ESRRG: variants seen among roughly 807,000 people sequenced by gnomAD.
ESRRG encodes the protein estrogen related receptor gamma.
A neutral mutation model predicts 44.0 loss-of-function variants in ESRRG; 13 were observed. That is an observed-to-expected ratio of 0.30 (90% confidence interval 0.19 to 0.47). ESRRG has a LOEUF of 0.47. Among genes scored for constraint, ESRRG ranks in the 20% least tolerant of loss-of-function variants. The pLI is 1.00. For missense variants in ESRRG, 395 were observed against 580.6 expected, an observed-to-expected ratio of 0.68 and a Z score of 3.29; for synonymous variants, 215 against 214.6, an observed-to-expected ratio of 1.00 and a Z score of -0.02.
chr1:216,694,224 A>AT (rs2079643556), intron 1 of ESRRG, among the ~76,000 whole-genome samples: 1 of 152,208 alleles, frequency 6.6e-6, no homozygotes, highest in Non-Finnish European at 1.5e-5. Context: ...AATAAAAATT[A>AT]TTTGCATTAA....
chr1:216,778,147 T>A (rs1384378415), intron 2 of ESRRG, among the ~76,000 whole-genome samples: 1 of 152,020 alleles, frequency 6.6e-6, no homozygotes. Context: ...TTCTGAGATT[T>A]GTGTGCTGGG....
chr1:216,758,278 T>C (rs970312951), intron 2 of ESRRG, among the ~76,000 whole-genome samples: 16 of 152,084 alleles, frequency 1.1e-4, no homozygotes, highest in African/African-American at 3.9e-4. Context: ...TGAACAATCA[T>C]GTTGGAAGGG....
At chr1:216,620,269 GT>G (rs1162729698) in intron 3 of ESRRG, among the ~76,000 whole-genome samples, 1 of 152,066 alleles carries the variant, frequency 6.6e-6, no homozygotes, top group East Asian at 1.9e-4. Flanking sequence ...TCATAGCATT[GT>G]TTTGAGGATG....
intron 1 of ESRRG, among the ~76,000 whole-genome samples, chr1:216,954,042 C>T (rs1163369804): frequency 6.6e-6 from 1 of 152,070 alleles, no homozygotes; most frequent in Non-Finnish European, 1.5e-5. Flanking sequence ...CATGCTCCTT[C>T]CTATTTTTCA....
chr1:216,744,360 T>A (rs1001331669), intron 2 of ESRRG, among the ~76,000 whole-genome samples: 6 of 152,114 alleles, frequency 3.9e-5, no homozygotes, highest in African/African-American at 1.4e-4. Flanking sequence ...TGCAAGCCCA[T>A]ATTCTTGCCT....
At chr1:216,719,635 A>G (rs2085745896) in intron 1 of ESRRG, among the ~76,000 whole-genome samples, 1 of 152,060 alleles carries the variant, frequency 6.6e-6, no homozygotes, top group African/African-American at 2.4e-5. Context: ...TATATATTAC[A>G]GGTCAGATTA....
intron 2 of ESRRG, among the ~76,000 whole-genome samples, chr1:216,889,119 A>G (rs1449300342): frequency 6.6e-6 from 1 of 152,176 alleles, no homozygotes; most frequent in African/African-American, 2.4e-5. Context: ...GAGCCGTTGT[A>G]GTGTTATCTC....
chr1:216,754,860 G>A (rs1483090333), intron 2 of ESRRG, among the ~76,000 whole-genome samples: 1 of 151,530 alleles, frequency 6.6e-6, no homozygotes, highest in African/African-American at 2.4e-5. Flanking sequence ...CATTATAATG[G>A]ATAATTGAGA....
chr1:216,823,644 A>G (rs556901416), intron 2 of ESRRG, among the ~76,000 whole-genome samples: 1 of 152,298 alleles, frequency 6.6e-6, no homozygotes, highest in East Asian at 1.9e-4. Context: ...TGACAAACAC[A>G]TTGAATTCTA....
chr1:216,506,751 G>A lies in ESRRG; in HGVS notation c.*188C>T. 4.5e-6 allele frequency: 3 copies of A among 661,702 alleles called. No individual in the cohort carries two copies. The highest frequency in any genetic ancestry group is 8.0e-6 in the Non-Finnish European group (3 of 374,158). 41.0% of individuals were successfully genotyped at this position (661,702 alleles called of 1,614,324 possible). A position where few individuals can be genotyped will look rare whatever the true frequency, so the allele number is the denominator to read the frequency against. ...AAGAGGAAAGAAGATGATGGAGAAA[G>A]TAGAAAGAAACTCATCAGGAACCTA... On this transcript the variant is annotated 3_prime_UTR_variant, in exon 7 of 7. Transcript: ENST00000408911.
At chr1:217,093,628 G>A (rs1443737025), upstream of ESRRG, among the ~76,000 whole-genome samples, 1 of 151,810 alleles carries the variant, frequency 6.6e-6, no homozygotes, top group Non-Finnish European at 1.5e-5. Context: ...GCAAGAAATA[G>A]AAAAAATCAG....
At chr1:216,543,801 C>A (rs1566223) in intron 5 of ESRRG, among the ~76,000 whole-genome samples, 43,977 of 151,728 alleles carry the variant, frequency 0.29, 7,359 homozygotes, top group Admixed American at 0.4. Context: ...ACTAACATGT[C>A]TTTTTAAGAG....
intron 2 of ESRRG, among the ~76,000 whole-genome samples, chr1:216,913,175 ATAGTTGCATCTC>A (rs2060702893): frequency 6.6e-6 from 1 of 151,944 alleles, no homozygotes; most frequent in Non-Finnish European, 1.5e-5. Context: ...AAAAAATTGA[ATAGTTGCATCTC>A]TACTCAACAT....
intron 1 of ESRRG, among the ~76,000 whole-genome samples, chr1:217,046,546 T>C (rs1178441352): frequency 6.6e-6 from 1 of 152,116 alleles, no homozygotes; most frequent in Admixed American, 6.6e-5. Context: ...CATAAAGTAA[T>C]AATAAAGTTG....
intron 2 of ESRRG, among the ~76,000 whole-genome samples, chr1:216,743,672 A>C (rs887419226): frequency 6.6e-6 from 1 of 152,130 alleles, no homozygotes; most frequent in Admixed American, 6.5e-5. Context: ...CATCATCACC[A>C]TTCATGGATA....
chr1:216,696,320 T>C (rs1189048944), intron 1 of ESRRG, among the ~76,000 whole-genome samples: 2 of 152,200 alleles, frequency 1.3e-5, no homozygotes, highest in East Asian at 3.8e-4. Flanking sequence ...CAATATTTTA[T>C]AGCAGCCAAC....
At chr1:216,807,452 T>A (rs988087335) in intron 2 of ESRRG, among the ~76,000 whole-genome samples, 1 of 152,194 alleles carries the variant, frequency 6.6e-6, no homozygotes, top group Non-Finnish European at 1.5e-5. Flanking sequence ...TGTTCTAACT[T>A]GTTTCCATCT....
At chr1:216,793,820 T>C (rs2094396506) in intron 2 of ESRRG, among the ~76,000 whole-genome samples, 1 of 152,200 alleles carries the variant, frequency 6.6e-6, no homozygotes. Context: ...ATCTTATTCA[T>C]CTACAGGTTT....
At chr1:216,726,067 G>A (rs2087454262), upstream of ESRRG, among the ~76,000 whole-genome samples, 1 of 152,024 alleles carries the variant, frequency 6.6e-6, no homozygotes, top group Non-Finnish European at 1.5e-5. Context: ...AAGATATTTA[G>A]ACTCATGCGT....
Sources: gnomAD v4.1 joint callset for allele counts (sites outside exome capture counted in the v4.1 genomes callset) on GRCh38, gnomAD v4.1.1 for gene constraint, MANE v1.5 for transcripts, NCBI Gene and HGNC (gene_info 2026-07-23, HGNC 2026-07-21) for gene names.